Variants in GRID2 observed in about 807,000 individuals in gnomAD.
GRID2 encodes the protein glutamate receptor ionotropic, delta-2.
A neutral mutation model predicts 114.8 loss-of-function variants in GRID2; 33 were observed. That is an observed-to-expected ratio of 0.29 (90% CI 0.22 to 0.38). The LOEUF is 0.38. Ranked by LOEUF, GRID2 falls within the 10% of genes least tolerant of loss-of-function variation. The pLI is 1.00. For missense variants in GRID2, 1,184 were observed against 1,257.7 expected, an observed-to-expected ratio of 0.94 and a Z score of 0.89; for synonymous variants, 505 against 449.9, an observed-to-expected ratio of 1.12 and a Z score of -1.55.
intron 2 of GRID2, among the ~76,000 whole-genome samples, chr4:92,800,143 T>C (rs1740082530): frequency 6.6e-6 from 1 of 151,902 alleles, no homozygotes; most frequent in Non-Finnish European, 1.5e-5. Context: ...AGAAAAATAA[T>C]CAGCAATTTA....
chr4:93,075,883 C>CTTTT lies in GRID2; in HGVS notation c.245-9077_245-9074dup, dbSNP rs10706922. Among the ~76,000 whole-genome samples, 39 of 76,598 alleles carry CTTTT rather than the reference C, an allele frequency of 5.1e-4. 2 individuals carry two copies. Among genetic ancestry groups the CTTTT allele is most frequent in the East Asian group, 1.7e-3 (4 of 2,410 alleles). The allele number at this position is 76,598 out of a possible 152,430, so 50.3% of individuals were successfully genotyped here. ...GTATTGGGATGTCGAAGTTACCTCT[C>CTTTT]TTTTTTTTTTTTTTTTTTTTTTTTT... On this transcript the variant is annotated intron_variant, in intron 2 of 15. Transcript: ENST00000282020.
At chr4:93,189,716 C>A (rs1740782770) in intron 4 of GRID2, among the ~76,000 whole-genome samples, 1 of 149,916 alleles carries the variant, frequency 6.7e-6, no homozygotes, top group African/African-American at 2.5e-5. Flanking sequence ...GAATATGGAA[C>A]TAAGGAATAT....
intron 1 of GRID2, among the ~76,000 whole-genome samples, chr4:92,550,874 CAGTTTA>C (rs1726550982): frequency 6.6e-6 from 1 of 152,138 alleles, no homozygotes; most frequent in Non-Finnish European, 1.5e-5. Context: ...AGAACACTTG[CAGTTTA>C]ATGTTAAGCA....
At chr4:93,207,502 A>G in intron 5 of GRID2, 45 bp downstream of exon 5, 1 of 1,206,100 alleles carries the variant, frequency 8.3e-7, no homozygotes, top group South Asian at 1.3e-5. Flanking sequence ...TCCTTTTTTC[A>G]CATATATAAT....
At chr4:92,328,243 T>G (rs1447642762) in intron 1 of GRID2, among the ~76,000 whole-genome samples, 1 of 152,050 alleles carries the variant, frequency 6.6e-6, no homozygotes, top group Non-Finnish European at 1.5e-5. Flanking sequence ...AATGTTCTTC[T>G]CTGCAGGAGT....
chr4:92,593,007 A>T (rs544288446), intron 2 of GRID2, among the ~76,000 whole-genome samples: 17 of 152,136 alleles, frequency 1.1e-4, no homozygotes, highest in African/African-American at 4.1e-4. Flanking sequence ...TACTATGCAA[A>T]CTTGTATTGA....
intron 8 of GRID2, among the ~76,000 whole-genome samples, chr4:93,347,030 G>C (rs1013139577): frequency 6.6e-6 from 1 of 151,894 alleles, no homozygotes; most frequent in African/African-American, 2.4e-5. Flanking sequence ...AGCATCTTTC[G>C]GTCTTTCCTT....
chr4:93,377,658 T>C (rs115078916), intron 8 of GRID2, among the ~76,000 whole-genome samples: 2 of 152,318 alleles, frequency 1.3e-5, no homozygotes, highest in Non-Finnish European at 2.9e-5. Flanking sequence ...TTTCAAAATA[T>C]GTCCAATCCA....
intron 2 of GRID2, among the ~76,000 whole-genome samples, chr4:92,906,372 C>T (rs1009870096): frequency 5.1e-5 from 7 of 136,322 alleles, no homozygotes; most frequent in South Asian, 2.4e-4. Flanking sequence ...CACATCTCTA[C>T]GCAGATTTTT....
Position 92,934,492 on chromosome 4 carries a change from C to G in GRID2, c.245-150503C>G, listed in dbSNP as rs1173067894. On this transcript the variant is annotated intron_variant, in intron 2 of 15. Coordinates refer to ENST00000282020, the MANE Select transcript of GRID2 (RefSeq NM_001510.4). ...GTAATTTATAGATTCAATGCCATCCCCATCAAGCTACCAATGACTTTCTTC... is the reference window on the plus strand; with the variant it reads ...GTAATTTATAGATTCAATGCCATCCGCATCAAGCTACCAATGACTTTCTTC... Among the ~76,000 whole-genome samples, 3 of 146,340 alleles carry G rather than the reference C, an allele frequency of 2.1e-5. 1 individual carries two copies. The highest frequency in any genetic ancestry group is 4.5e-5 in the Non-Finnish European group (3 of 66,166).
At chr4:93,390,984 T>C (rs867817764) in intron 8 of GRID2, among the ~76,000 whole-genome samples, 5 of 152,100 alleles carry the variant, frequency 3.3e-5, no homozygotes, top group African/African-American at 1.2e-4. Context: ...GGTTGAACCA[T>C]GTGATTTTTT....
intron 3 of GRID2, among the ~76,000 whole-genome samples, chr4:93,097,002 A>C (rs1731280955): frequency 6.6e-6 from 1 of 152,008 alleles, no homozygotes; most frequent in African/African-American, 2.4e-5. Context: ...ATGAAGAAAC[A>C]CTGAGTTAAG....
At chr4:92,747,745 A>T (rs1430055799) in intron 2 of GRID2, among the ~76,000 whole-genome samples, 1 of 152,186 alleles carries the variant, frequency 6.6e-6, no homozygotes, top group Non-Finnish European at 1.5e-5. Flanking sequence ...AATCAAAAGC[A>T]TTTACTAATA....
At chr4:93,042,742 T>G (rs1725721839) in intron 2 of GRID2, among the ~76,000 whole-genome samples, 1 of 148,450 alleles carries the variant, frequency 6.7e-6, no homozygotes, top group Admixed American at 6.8e-5. Context: ...GATAGAGAGA[T>G]AAAATGAGAA....
intron 2 of GRID2, among the ~76,000 whole-genome samples, chr4:92,595,940 G>T (rs574957681): frequency 6.6e-6 from 1 of 152,094 alleles, no homozygotes; most frequent in South Asian, 2.1e-4. Flanking sequence ...TCTTTCCAGG[G>T]ATTATTCTCA....
chr4:92,758,061 T>A (rs1454278972), intron 2 of GRID2, among the ~76,000 whole-genome samples: 2 of 151,970 alleles, frequency 1.3e-5, no homozygotes, highest in Non-Finnish European at 2.9e-5. Context: ...AGAGAAGAAG[T>A]GCATGTGGAC....
chr4:92,510,999 T>G (rs982949626), intron 1 of GRID2, among the ~76,000 whole-genome samples: 1 of 151,866 alleles, frequency 6.6e-6, no homozygotes, highest in Non-Finnish European at 1.5e-5. Flanking sequence ...TGTAGAATAC[T>G]GAGAGTTTGG....
At chr4:92,973,891 G>A (rs932333772) in intron 2 of GRID2, among the ~76,000 whole-genome samples, 1 of 152,088 alleles carries the variant, frequency 6.6e-6, no homozygotes, top group East Asian at 1.9e-4. Context: ...ACTATCATCA[G>A]AGTGAACAGG....
rs556686582 is a variant in GRID2, at chr4:93,659,870, A to G, written c.2360+33435A>G. On this transcript the variant is annotated intron_variant, in intron 14 of 15. Coordinates refer to ENST00000282020, the MANE Select transcript of GRID2 (RefSeq NM_001510.4). Reference sequence around the variant, plus strand: ...ATATAAGATCTGACCCTTTTGTATTATATCATTTTCAATTAAGGTTTTAAT... The same window carrying G: ...ATATAAGATCTGACCCTTTTGTATTGTATCATTTTCAATTAAGGTTTTAAT... 1.9e-4 allele frequency among the ~76,000 whole-genome samples: 29 copies of G among 150,950 alleles called. 1 individual carries two copies. Among genetic ancestry groups the G allele is most frequent in the Admixed American group, 5.9e-4 (9 of 15,222 alleles).
Sources: gnomAD v4.1 joint callset for allele counts (sites outside exome capture counted in the v4.1 genomes callset) on GRCh38, gnomAD v4.1.1 for gene constraint, MANE v1.5 for transcripts, NCBI Gene and HGNC (gene_info 2026-07-23, HGNC 2026-07-21) for gene names.